STARD13: variants seen among roughly 807,000 people sequenced by gnomAD.
The protein encoded by STARD13 is StAR related lipid transfer domain containing 13.
In STARD13, 62 loss-of-function variants were observed where a neutral mutation model predicts 106.4. The ratio of observed to expected loss-of-function variants is 0.58; its 90% CI spans 0.48 to 0.72. The LOEUF (loss-of-function observed/expected upper bound fraction) is 0.72, where lower values mean the gene tolerates loss of function less well. STARD13 is among the 30% of genes least tolerant of loss of function. The pLI, the probability that STARD13 is intolerant of heterozygous loss-of-function variation, is 0.00. For missense variants in STARD13, 1,387 were observed against 1,424.0 expected (o/e 0.97, Z 0.42); for synonymous variants, 565 against 553.0 (o/e 1.02, Z -0.31).
chr13:33,441,653 C>G, the STARD13 span, among the ~76,000 whole-genome samples: 1 of 152,142 alleles, frequency 6.6e-6, no homozygotes, highest in African/African-American at 2.4e-5. Context: ...CGATTATTAA[C>G]TTTTTCAAAG....
chr13:33,605,254 A>G, the STARD13 span, among the ~76,000 whole-genome samples: 43 of 151,434 alleles, frequency 2.8e-4, no homozygotes, highest in Middle Eastern at 0.01. Context: ...AAAAAAAAAA[A>G]AAGAAGAAAA....
chr13:33,114,326 C>T (rs973554586), intron 8 of STARD13, among the ~76,000 whole-genome samples: 6 of 152,166 alleles, frequency 3.9e-5, no homozygotes, highest in African/African-American at 1.4e-4. Context: ...CTGGATTCGC[C>T]TGCAGTCTCA....
chr13:33,550,155 A>G, the STARD13 span, among the ~76,000 whole-genome samples: 3 of 152,190 alleles, frequency 2.0e-5, 1 homozygote, highest in South Asian at 6.2e-4. Flanking sequence ...CAGTGCCAAA[A>G]TCTTGCAGTC....
At chr13:33,387,319 A>G in the STARD13 span, among the ~76,000 whole-genome samples, 11 of 152,094 alleles carry the variant, frequency 7.2e-5, no homozygotes, top group African/African-American at 2.2e-4. Flanking sequence ...TAATGTTTTC[A>G]TCTCAATAGT....
chr13:33,566,731 C>T, the STARD13 span, among the ~76,000 whole-genome samples: 18 of 147,638 alleles, frequency 1.2e-4, 1 homozygote, highest in East Asian at 2.9e-3. Flanking sequence ...GATTCCCAGT[C>T]GCAAGTCTTT....
intron 1 of STARD13, among the ~76,000 whole-genome samples, chr13:33,303,778 T>C (rs922661047): frequency 2.6e-5 from 4 of 152,216 alleles, no homozygotes; most frequent in African/African-American, 9.6e-5. Context: ...GAAGGTCTTA[T>C]AGACACCTTC....
chr13:33,531,337 T>C, the STARD13 span, among the ~76,000 whole-genome samples: 1 of 152,198 alleles, frequency 6.6e-6, no homozygotes, highest in African/African-American at 2.4e-5. Flanking sequence ...CAGCTCTTTT[T>C]AAAAAAGTAT....
chr13:33,145,271 C>A (rs1880373069), intron 3 of STARD13, among the ~76,000 whole-genome samples: 1 of 152,182 alleles, frequency 6.6e-6, no homozygotes, highest in Admixed American at 6.5e-5. Flanking sequence ...TATCATCAGT[C>A]ATGAAAGAAA....
At chr13:33,508,380 C>T in the STARD13 span, among the ~76,000 whole-genome samples, 1 of 152,168 alleles carries the variant, frequency 6.6e-6, no homozygotes, top group Non-Finnish European at 1.5e-5. Context: ...AAAACAATTA[C>T]AGAGTAGCCA....
the STARD13 span, among the ~76,000 whole-genome samples, chr13:33,431,509 A>G: frequency 2.6e-5 from 4 of 152,232 alleles, no homozygotes; most frequent in African/African-American, 9.6e-5. Context: ...ACTGTTGTGG[A>G]ATAGATGTCT....
intron 1 of STARD13, among the ~76,000 whole-genome samples, chr13:33,222,652 G>A (rs751048398): frequency 2.0e-5 from 3 of 152,132 alleles, no homozygotes; most frequent in Non-Finnish European, 4.4e-5. Flanking sequence ...CACACATCAT[G>A]TCTACTTCTC....
At chr13:33,607,903 A>G in the STARD13 span, among the ~76,000 whole-genome samples, 4 of 152,130 alleles carry the variant, frequency 2.6e-5, no homozygotes, top group South Asian at 6.2e-4. Flanking sequence ...AAAATGTCCA[A>G]TATCTCTAAA....
the STARD13 span, among the ~76,000 whole-genome samples, chr13:33,365,224 G>GT: frequency 2.0e-5 from 3 of 152,148 alleles, no homozygotes; most frequent in Non-Finnish European, 1.5e-5. Context: ...GTGGGGAAGG[G>GT]TGGGAAGAGG....
the STARD13 span, among the ~76,000 whole-genome samples, chr13:33,423,708 G>C: frequency 6.6e-6 from 1 of 152,120 alleles, no homozygotes; most frequent in South Asian, 2.1e-4. Context: ...TGTTCATCAA[G>C]GATAGACCGG....
the STARD13 span, among the ~76,000 whole-genome samples, chr13:33,402,908 C>T: frequency 2.0e-5 from 3 of 152,356 alleles, no homozygotes; most frequent in East Asian, 3.9e-4. Flanking sequence ...CTCAATAAAA[C>T]CCCGCATTCA....
chr13:33,527,612 G>A, the STARD13 span, among the ~76,000 whole-genome samples: 1 of 151,916 alleles, frequency 6.6e-6, no homozygotes, highest in South Asian at 2.1e-4. Flanking sequence ...GACTGTCCAA[G>A]CCAGGAGAAA....
intron 1 of STARD13, among the ~76,000 whole-genome samples, chr13:33,342,695 T>A (rs1025922143): frequency 6.6e-6 from 1 of 152,192 alleles, no homozygotes; most frequent in Admixed American, 6.5e-5. Flanking sequence ...ACCATGCCCA[T>A]CAATGATTAT....
chr13:33,272,673 G>A (rs536123111), intron 1 of STARD13: 1 of 152,156 alleles, frequency 6.6e-6, no homozygotes. Flanking sequence ...AAGGAAAGGT[G>A]ACTGACAGCT....
chr13:33,203,333 C>T (rs1011640695), intron 1 of STARD13, among the ~76,000 whole-genome samples: 3 of 152,206 alleles, frequency 2.0e-5, no homozygotes, highest in Admixed American at 2.0e-4. Context: ...ACAGTAATCA[C>T]TCCTATCTTT....
Sources: allele counts gnomAD v4.1 joint callset (sites outside exome capture counted in the v4.1 genomes callset), GRCh38; gene constraint gnomAD v4.1.1; transcripts MANE v1.5; gene names NCBI Gene and HGNC (gene_info 2026-07-23, HGNC 2026-07-21).